The following ERBB4 variants were observed in gnomAD, a reference collection of about 807,000 sequenced individuals.
The protein encoded by ERBB4 is erb-b2 receptor tyrosine kinase 4.
In ERBB4, 42 loss-of-function variants were observed where a neutral mutation model predicts 158.0. That is an observed-to-expected ratio of 0.27 (90% CI 0.21 to 0.34). The LOEUF is 0.34. Among genes scored for constraint, ERBB4 ranks in the 10% least tolerant of loss-of-function variants. The pLI, the probability that ERBB4 is intolerant of heterozygous loss-of-function variation, is 1.00. For synonymous variants in ERBB4, 583 were observed against 558.7 expected (o/e 1.04, Z -0.61); for missense variants, 1,333 against 1,624.1 (o/e 0.82, Z 3.08).
chr2:212,516,035 A>G (rs190814677), intron 1 of ERBB4, among the ~76,000 whole-genome samples: 288 of 152,150 alleles, frequency 1.9e-3, no homozygotes, highest in African/African-American at 6.7e-3. Context: ...CCAAATAAGA[A>G]TTTCAGAAAT....
intron 19 of ERBB4, among the ~76,000 whole-genome samples, chr2:211,583,036 T>C (rs1258216273): frequency 1.3e-5 from 2 of 152,130 alleles, no homozygotes; most frequent in Non-Finnish European, 2.9e-5. Flanking sequence ...GAAAATGTGA[T>C]GGAAATATTT....
chr2:212,501,695 A>G (rs1466876165), intron 1 of ERBB4, among the ~76,000 whole-genome samples: 3 of 152,182 alleles, frequency 2.0e-5, no homozygotes, highest in Non-Finnish European at 4.4e-5. Context: ...TTCATCGCCC[A>G]CTGCAATGAA....
intron 3 of ERBB4, among the ~76,000 whole-genome samples, chr2:211,897,299 A>T (rs1260157324): frequency 1.3e-5 from 2 of 152,016 alleles, no homozygotes; most frequent in Non-Finnish European, 2.9e-5. Context: ...TGTAAAAATG[A>T]ATTTCCTAGC....
chr2:212,404,019 G>T (rs998328401), intron 1 of ERBB4, among the ~76,000 whole-genome samples: 9 of 151,882 alleles, frequency 5.9e-5, no homozygotes, highest in African/African-American at 2.2e-4. Context: ...CGTTTCAGAT[G>T]GCTTCAAACT....
At chr2:211,730,210 C>T (rs1461416904) in intron 5 of ERBB4, among the ~76,000 whole-genome samples, 2 of 151,744 alleles carry the variant, frequency 1.3e-5, no homozygotes, top group Non-Finnish European at 2.9e-5. Flanking sequence ...AAAGTTACTC[C>T]CTTAGGACAA....
chr2:211,753,208 C>A (rs184585517), intron 4 of ERBB4, among the ~76,000 whole-genome samples: 3 of 151,920 alleles, frequency 2.0e-5, no homozygotes, highest in Non-Finnish European at 2.9e-5. Context: ...ATGCCTGTAA[C>A]CTTAGTTTGA....
chr2:212,383,067 G>A (rs1434295979), intron 1 of ERBB4, among the ~76,000 whole-genome samples: 1 of 150,798 alleles, frequency 6.6e-6, no homozygotes, highest in Non-Finnish European at 1.5e-5. Context: ...TTGTTTTTAA[G>A]CTTAGAGAGT....
At chr2:211,890,818 C>T (rs1440971768) in intron 3 of ERBB4, among the ~76,000 whole-genome samples, 12 of 91,052 alleles carry the variant, frequency 1.3e-4, no homozygotes, top group Middle Eastern at 4.4e-3. Context: ...AAGGCCATTA[C>T]ATAATGGTAA....
intron 1 of ERBB4, among the ~76,000 whole-genome samples, chr2:212,393,694 G>A (rs2371482): frequency 0.35 from 53,682 of 151,808 alleles, 9,995 homozygotes; most frequent in African/African-American, 0.47. Flanking sequence ...ATTTGATCTT[G>A]GATCCACCAG....
chr2:212,039,855 A>G (rs574091566), intron 2 of ERBB4, among the ~76,000 whole-genome samples: 1 of 152,198 alleles, frequency 6.6e-6, no homozygotes, highest in South Asian at 2.1e-4. Flanking sequence ...AAGAAAAGAA[A>G]AGAAAAGGAA....
At chr2:212,013,567 A>G (rs1164910576) in intron 2 of ERBB4, among the ~76,000 whole-genome samples, 1 of 152,230 alleles carries the variant, frequency 6.6e-6, no homozygotes, top group Admixed American at 6.5e-5. Context: ...GGTTAGGGTA[A>G]GTCCTAAATC....
chr2:211,689,247 T>C (rs1277555332), intron 12 of ERBB4, among the ~76,000 whole-genome samples: 3 of 152,084 alleles, frequency 2.0e-5, no homozygotes, highest in Non-Finnish European at 4.4e-5. Flanking sequence ...CTGGCTGGAG[T>C]GGAGTGGTGT....
intron 3 of ERBB4, among the ~76,000 whole-genome samples, chr2:211,879,442 A>G (rs2106143966): frequency 6.6e-6 from 1 of 152,346 alleles, no homozygotes; most frequent in East Asian, 1.9e-4. Context: ...ATACAAATTT[A>G]AATAAATATA....
At chr2:212,364,481 A>G (rs2089808368) in intron 1 of ERBB4, among the ~76,000 whole-genome samples, 1 of 151,746 alleles carries the variant, frequency 6.6e-6, no homozygotes, top group South Asian at 2.1e-4. Flanking sequence ...GAAAGGGAAT[A>G]AAAAGACTGA....
intron 22 of ERBB4, among the ~76,000 whole-genome samples, chr2:211,426,875 A>G (rs548039376): frequency 7.9e-5 from 12 of 151,904 alleles, no homozygotes; most frequent in African/African-American, 2.9e-4. Context: ...TAATGTATAA[A>G]TGCTAATCTA....
intron 25 of ERBB4, among the ~76,000 whole-genome samples, chr2:211,388,943 T>C (rs1391658052): frequency 6.6e-6 from 1 of 152,176 alleles, no homozygotes; most frequent in Admixed American, 6.5e-5. Flanking sequence ...CCCAAATCGC[T>C]TGATTTTATG....
At chr2:211,714,140 A>G (rs2073818330) in intron 7 of ERBB4, among the ~76,000 whole-genome samples, 1 of 152,248 alleles carries the variant, frequency 6.6e-6, no homozygotes, top group South Asian at 2.1e-4. Context: ...ATATTTTTAT[A>G]CGAAGAAACG....
intron 23 of ERBB4, among the ~76,000 whole-genome samples, chr2:211,422,436 G>A (rs1022803902): frequency 2.0e-5 from 3 of 149,808 alleles, no homozygotes; most frequent in Non-Finnish European, 3.0e-5. Flanking sequence ...TGGCACAAAC[G>A]GGAAAAGAGG....
chr2:212,100,016 T>C (rs896260342), intron 2 of ERBB4, among the ~76,000 whole-genome samples: 3 of 151,928 alleles, frequency 2.0e-5, no homozygotes, highest in Admixed American at 6.5e-5. Flanking sequence ...AGCCATTCCA[T>C]TGAAATAAAA....
Sources: allele counts gnomAD v4.1 joint callset (sites outside exome capture counted in the v4.1 genomes callset), GRCh38; gene constraint gnomAD v4.1.1; transcripts MANE v1.5; gene names NCBI Gene and HGNC (gene_info 2026-07-23, HGNC 2026-07-21).